The following NRXN3 variants were observed in gnomAD, a reference collection of about 807,000 sequenced individuals.
NRXN3 encodes neurexin III.
In NRXN3, 32 loss-of-function variants were observed where a neutral mutation model predicts 137.6. The ratio of observed to expected loss-of-function variants is 0.23; its 90% confidence interval spans 0.18 to 0.31. The LOEUF is 0.31. NRXN3 is among the 10% of genes least tolerant of loss of function. The pLI, the probability that NRXN3 is intolerant of heterozygous loss-of-function variation, is 1.00. For missense variants in NRXN3, 1,574 were observed against 2,062.5 expected (o/e 0.76, Z 4.59); for synonymous variants, 798 against 784.5 (o/e 1.02, Z -0.29).
chr14:79,781,202 A>G (rs922765927), intron 19 of NRXN3, among the ~76,000 whole-genome samples: 3 of 152,170 alleles, frequency 2.0e-5, no homozygotes, highest in Non-Finnish European at 4.4e-5. Flanking sequence ...CCGCTTATCT[A>G]TTTAATTCCT....
chr14:78,191,828 C>T (rs2060763932), intron 1 of NRXN3, among the ~76,000 whole-genome samples: 1 of 152,156 alleles, frequency 6.6e-6, no homozygotes, highest in African/African-American at 2.4e-5. Flanking sequence ...GGTCAGAGTT[C>T]CAGAAACTGG....
chr14:79,793,800 G>A (rs1039891050), intron 19 of NRXN3, among the ~76,000 whole-genome samples: 1 of 152,140 alleles, frequency 6.6e-6, no homozygotes, highest in African/African-American at 2.4e-5. Flanking sequence ...TATATTGTGT[G>A]CAATGCCAGT....
chr14:78,729,474 T>G (rs1477466011), intron 8 of NRXN3, among the ~76,000 whole-genome samples: 1 of 152,162 alleles, frequency 6.6e-6, no homozygotes, highest in African/African-American at 2.4e-5. Context: ...AAGCTGTCCA[T>G]TTGGAGTAAA....
intron 2 of NRXN3, among the ~76,000 whole-genome samples, chr14:78,265,403 C>T (rs1338552764): frequency 6.6e-6 from 1 of 152,102 alleles, no homozygotes; most frequent in African/African-American, 2.4e-5. Flanking sequence ...GGTGACGAGA[C>T]AGATGATATA....
intron 18 of NRXN3, among the ~76,000 whole-genome samples, chr14:79,693,897 T>C (rs2098725520): frequency 6.6e-6 from 1 of 151,984 alleles, no homozygotes; most frequent in Non-Finnish European, 1.5e-5. Context: ...GTTTCTCTTC[T>C]ACATTTTGTT....
intron 19 of NRXN3, among the ~76,000 whole-genome samples, chr14:79,800,064 T>C (rs1380031648): frequency 6.6e-6 from 1 of 152,196 alleles, no homozygotes; most frequent in Non-Finnish European, 1.5e-5. Flanking sequence ...ATAGAGTTTT[T>C]AAAAAATGCT....
chr14:79,675,718 C>T (rs965440763), intron 17 of NRXN3, among the ~76,000 whole-genome samples: 9 of 151,960 alleles, frequency 5.9e-5, no homozygotes, highest in African/African-American at 1.2e-4. Context: ...ACTCCATTTA[C>T]GTATAGTTAA....
intron 15 of NRXN3, among the ~76,000 whole-genome samples, chr14:79,197,637 G>A (rs17108933): frequency 0.036 from 5,406 of 151,096 alleles, 229 homozygotes; most frequent in East Asian, 0.21. Context: ...CTTTGTTGTC[G>A]CTGACTCCAC....
chr14:79,001,180 C>T (rs1204254919), intron 15 of NRXN3, among the ~76,000 whole-genome samples: 1 of 152,152 alleles, frequency 6.6e-6, no homozygotes. Flanking sequence ...GCTTTGAAAC[C>T]ACTGAAGCCA....
At chr14:79,610,597 C>T (rs1370370487) in intron 16 of NRXN3, among the ~76,000 whole-genome samples, 1 of 152,212 alleles carries the variant, frequency 6.6e-6, no homozygotes, top group Non-Finnish European at 1.5e-5. Flanking sequence ...ATCTCCTGCA[C>T]TGCCTAGTAT....
intron 6 of NRXN3, among the ~76,000 whole-genome samples, chr14:78,652,674 G>A (rs2097756412): frequency 2.0e-5 from 3 of 152,344 alleles, no homozygotes; most frequent in South Asian, 4.1e-4. Context: ...CACTGTCCAT[G>A]CATTCATTCA....
intron 2 of NRXN3, among the ~76,000 whole-genome samples, chr14:78,258,673 T>C (rs190663509): frequency 6.6e-6 from 1 of 152,208 alleles, no homozygotes; most frequent in African/African-American, 2.4e-5. Flanking sequence ...TTCTTTAAAA[T>C]TCTTCACTGG....
intron 4 of NRXN3, among the ~76,000 whole-genome samples, chr14:78,341,434 GC>G (rs888003351): frequency 8.5e-5 from 13 of 152,124 alleles, no homozygotes; most frequent in African/African-American, 3.1e-4. Context: ...AATATTTTTG[GC>G]TTTGTGGGCT....
intron 15 of NRXN3, among the ~76,000 whole-genome samples, chr14:79,352,104 G>T (rs80260537): frequency 6.6e-6 from 1 of 152,028 alleles, no homozygotes; most frequent in African/African-American, 2.4e-5. Context: ...GCTGGAGCAG[G>T]TGATGATAGC....
chr14:78,951,474 C>G (rs1047799471), intron 10 of NRXN3, among the ~76,000 whole-genome samples: 15 of 152,150 alleles, frequency 9.9e-5, no homozygotes, highest in African/African-American at 3.6e-4. Context: ...GAAGTCACCT[C>G]AAAGAGGCCT....
At chr14:78,403,702 A>T (rs1325246579) in intron 4 of NRXN3, 1 of 985,284 alleles carries the variant, frequency 1.0e-6, no homozygotes, top group Non-Finnish European at 1.2e-6. Flanking sequence ...AGCTTCCTGC[A>T]CACTGTTGTA....
intron 15 of NRXN3, among the ~76,000 whole-genome samples, chr14:79,006,274 G>A (rs2099552590): frequency 7.7e-6 from 1 of 130,404 alleles, no homozygotes; most frequent in Non-Finnish European, 1.5e-5. Flanking sequence ...GGAAGAATGA[G>A]CAAAATCAAG....
chr14:78,765,386 C>T (rs1252104633), intron 8 of NRXN3, among the ~76,000 whole-genome samples: 1 of 152,172 alleles, frequency 6.6e-6, no homozygotes, highest in East Asian at 1.9e-4. Flanking sequence ...CTCTTGAGCT[C>T]AGGTGATCCG....
chr14:78,873,112 T>G (rs1403609757), intron 10 of NRXN3, among the ~76,000 whole-genome samples: 3 of 152,216 alleles, frequency 2.0e-5, no homozygotes. Context: ...GTTCTCTAAC[T>G]TTATAGGGTT....
Sources: allele counts gnomAD v4.1 joint callset (sites outside exome capture counted in the v4.1 genomes callset), GRCh38; gene constraint gnomAD v4.1.1; transcripts MANE v1.5; gene names NCBI Gene and HGNC (gene_info 2026-07-23, HGNC 2026-07-21).